The following NAT1 variants were observed in gnomAD, a reference collection of about 807,000 sequenced individuals.
NAT1 encodes the protein N-acetyltransferase 1, also known as arylamine N-acetyltransferase 1.
For missense variants in NAT1, 400 were observed against 339.2 expected, an observed-to-expected ratio of 1.18 and a Z score of -1.41; for synonymous variants, 144 against 122.6, an observed-to-expected ratio of 1.17 and a Z score of -1.16.
chr8:18,199,352 C>G (rs1383519581), intron 2 of NAT1, among the ~76,000 whole-genome samples: 1 of 150,738 alleles, frequency 6.6e-6, no homozygotes, highest in African/African-American at 2.4e-5. Context: ...TTTTGTTTGG[C>G]GCCTTTCTTG....
chr8:18,175,368 C>T (rs968726518), intron 2 of NAT1, among the ~76,000 whole-genome samples: 2 of 151,972 alleles, frequency 1.3e-5, no homozygotes, highest in African/African-American at 4.8e-5. Flanking sequence ...CATTCCCCAT[C>T]CCTCCTCCTC....
chr8:18,216,135 AC>A (rs1804637567), intron 1 of NAT1, among the ~76,000 whole-genome samples: 4 of 152,144 alleles, frequency 2.6e-5, no homozygotes, highest in Admixed American at 2.0e-4. Context: ...TACATAACAT[AC>A]CTGGTGGCTC....
chr8:18,198,423 C>G (rs1803324285), intron 2 of NAT1, among the ~76,000 whole-genome samples: 1 of 152,198 alleles, frequency 6.6e-6, no homozygotes, highest in Admixed American at 6.5e-5. Context: ...AAATCCCCTT[C>G]TATCAGAGAA....
At chr8:18,208,041 G>C (rs1803800314), upstream of NAT1, among the ~76,000 whole-genome samples, 2 of 151,010 alleles carry the variant, frequency 1.3e-5, no homozygotes, top group African/African-American at 4.9e-5. Context: ...TGCACGTTCT[G>C]ACTCATAAGT....
At chr8:18,216,740 A>G (rs1804710551) in intron 1 of NAT1, 3 of 573,666 alleles carry the variant, frequency 5.2e-6, no homozygotes, top group Non-Finnish European at 9.2e-6. Context: ...GAGAAGATAA[A>G]AGCAAAATTT....
rs548470301 is a variant in NAT1, at chr8:18,195,042, T to C, written n.93-14739T>C. ...GCAGTTTCAGCAGTGGTCCAGAAAA[T>C]GGTCAAATCTCTGTTTGATGAGTAA... On this transcript the variant is annotated intron_variant and non_coding_transcript_variant, in intron 2 of 4. Coordinates refer to the NAT1 transcript ENST00000517441. Among the ~76,000 whole-genome samples, 31 of 152,144 alleles carry C rather than the reference T, an allele frequency of 2.0e-4. No homozygotes were observed. In the Middle Eastern group the frequency reaches 0.01, roughly 50 times the overall value.
intron 1 of NAT1, among the ~76,000 whole-genome samples, chr8:18,217,239 A>G (rs1285612590): frequency 6.6e-6 from 1 of 152,222 alleles, no homozygotes; most frequent in Non-Finnish European, 1.5e-5. Context: ...AGTCCCCGAA[A>G]TCCTCTAAGT....
chr8:18,197,144 T>C (rs1005561), intron 2 of NAT1, among the ~76,000 whole-genome samples: 127,822 of 152,064 alleles, frequency 0.84, 54,172 homozygotes, highest in African/African-American at 0.93. Flanking sequence ...GGAAACCACC[T>C]CCAAGATCCA....
chr8:18,207,276 C>T (rs1803764394), upstream of NAT1, among the ~76,000 whole-genome samples: 4 of 152,120 alleles, frequency 2.6e-5, no homozygotes, highest in South Asian at 8.3e-4. Flanking sequence ...GTTATTGTAA[C>T]CTTGTAGTAT....
At chr8:18,172,093 G>T (rs76478255) in intron 2 of NAT1, among the ~76,000 whole-genome samples, 4 of 152,142 alleles carry the variant, frequency 2.6e-5, no homozygotes, top group Admixed American at 2.6e-4. Flanking sequence ...AAGGACAACA[G>T]TGAAAACTGC....
At chr8:18,183,142 G>C (rs1202466162) in intron 2 of NAT1, among the ~76,000 whole-genome samples, 1 of 152,162 alleles carries the variant, frequency 6.6e-6, no homozygotes, top group East Asian at 1.9e-4. Flanking sequence ...GAAGAACGCT[G>C]ACTCCTCATG....
chr8:18,195,907 T>C (rs1305419266), intron 2 of NAT1, among the ~76,000 whole-genome samples: 1 of 151,730 alleles, frequency 6.6e-6, no homozygotes, highest in Non-Finnish European at 1.5e-5. Context: ...ACTCAGAAGT[T>C]CTTGATGTTA....
At chr8:18,172,399 A>G (rs989212500) in intron 2 of NAT1, among the ~76,000 whole-genome samples, 1 of 152,242 alleles carries the variant, frequency 6.6e-6, no homozygotes, top group East Asian at 1.9e-4. Flanking sequence ...GAAAGTCACC[A>G]GTGACCTTCT....
intron 1 of NAT1, chr8:18,211,152 G>A (rs1804062143): frequency 7.0e-6 from 1 of 143,756 alleles, no homozygotes; most frequent in Admixed American, 7.0e-5. Flanking sequence ...GGGTCTCCAG[G>A]AGGTATGAAT....
chr8:18,182,781 G>T (rs182527137), intron 2 of NAT1, among the ~76,000 whole-genome samples: 7 of 152,138 alleles, frequency 4.6e-5, no homozygotes, highest in Non-Finnish European at 1.0e-4. Flanking sequence ...CTCAAAAAGT[G>T]TTGGGATTTA....
At chr8:18,174,970 C>T (rs947536316) in intron 2 of NAT1, among the ~76,000 whole-genome samples, 2 of 152,252 alleles carry the variant, frequency 1.3e-5, no homozygotes, top group South Asian at 2.1e-4. Context: ...ATGTACAACG[C>T]TGTGTTGATC....
chr8:18,212,126 A>C (rs1171154460), intron 1 of NAT1: 1 of 152,224 alleles, frequency 6.6e-6, no homozygotes, highest in Non-Finnish European at 1.5e-5. Context: ...TATATTTAAC[A>C]CACATCGATT....
At chr8:18,194,569 C>A (rs892937359) in intron 2 of NAT1, among the ~76,000 whole-genome samples, 17 of 151,962 alleles carry the variant, frequency 1.1e-4, no homozygotes, top group Admixed American at 3.3e-4. Context: ...ACCTGTAATC[C>A]CAGTACTTTG....
At chr8:18,180,863 T>A (rs959856881) in intron 2 of NAT1, among the ~76,000 whole-genome samples, 3 of 152,190 alleles carry the variant, frequency 2.0e-5, no homozygotes, top group African/African-American at 7.2e-5. Flanking sequence ...CATTAGTCTG[T>A]GTGTCTGTTC....
Sources: allele counts gnomAD v4.1 joint callset (sites outside exome capture counted in the v4.1 genomes callset), GRCh38; gene constraint gnomAD v4.1.1; transcripts MANE v1.5; gene names NCBI Gene and HGNC (gene_info 2026-07-23, HGNC 2026-07-21).